The following DBN1 variants were observed in gnomAD, a reference collection of about 807,000 sequenced individuals.
DBN1 encodes drebrin.
DBN1 carries 21 observed loss-of-function variants against 83.5 expected under a neutral mutation model. That is an observed-to-expected ratio of 0.25 (90% CI 0.18 to 0.36). The LOEUF (loss-of-function observed/expected upper bound fraction) is 0.36. DBN1 is among the 10% of genes least tolerant of loss of function. The pLI is 1.00. For synonymous variants in DBN1, 381 were observed against 384.9 expected, an observed-to-expected ratio of 0.99 and a Z score of 0.12; for missense variants, 874 against 935.7, an observed-to-expected ratio of 0.93 and a Z score of 0.86.
chr5:177,472,248 C>T, intron 1 of DBN1: 1 of 1,612,372 alleles, frequency 6.2e-7, no homozygotes, highest in Non-Finnish European at 8.5e-7. Context: ...GTCAGAGTCC[C>T]CACCTGGCTG....
chr5:177,458,595 C>T lies in DBN1; in HGVS notation c.1377G>A (p.Gly459=), dbSNP rs1756750259. Residue 459 remains glycine, a synonymous_variant, in exon 13 of 15, where the codon GGG becomes GGA. Transcript: ENST00000393565. Reference sequence around the variant, plus strand: ...TCAAGTCCTCTGCAGGGCTGCCTGGCCCCCGGGGAGGCGCCTGTGCCTGAG... The same window carrying T: ...TCAAGTCCTCTGCAGGGCTGCCTGGTCCCCGGGGAGGCGCCTGTGCCTGAG... ...EPPQAQAPPR[G]PGSPAEDLMF... 6.2e-7 allele frequency: 1 copy of T among 1,612,894 alleles called. No homozygotes were observed. Among genetic ancestry groups the T allele is most frequent in the Non-Finnish European group, 8.5e-7 (1 of 1,179,306 alleles).
At chr5:177,461,454 C>T (rs1268938390) in intron 8 of DBN1, among the ~76,000 whole-genome samples, 5 of 152,146 alleles carry the variant, frequency 3.3e-5, no homozygotes, top group African/African-American at 7.2e-5. Context: ...GGAAGGGTTT[C>T]AGAGGTGGTA....
intron 2 of DBN1, 132 bp from the exon 3 acceptor site, chr5:177,468,352 T>C: frequency 1.4e-6 from 1 of 720,360 alleles, no homozygotes; most frequent in Non-Finnish European, 2.4e-6. Flanking sequence ...CTGGGGTCTG[T>C]GGGTCCCAGT....
At chr5:177,468,446 A>G (rs1300051264) in intron 2 of DBN1, 2 of 581,666 alleles carry the variant, frequency 3.4e-6, no homozygotes, top group Admixed American at 3.0e-5. Context: ...TGGGGGTAGG[A>G]CTGAGGAAGT....
intron 10 of DBN1, among the ~76,000 whole-genome samples, chr5:177,460,184 C>T (rs1756912118): frequency 6.6e-6 from 1 of 152,244 alleles, no homozygotes; most frequent in African/African-American, 2.4e-5. Flanking sequence ...TGTGCCTCAG[C>T]CCATGCCAGA....
Position 177,458,336 on chromosome 5 carries a change from A to T in DBN1, c.1636T>A (p.Ser546Thr). The T allele has an allele frequency of 6.2e-7, 1 of 1,613,174 alleles. No homozygotes were observed. The highest frequency in any genetic ancestry group is 8.5e-7 in the Non-Finnish European group (1 of 1,179,360). ...TCTGCCAGGGTGACCTCAGTACCCG[A>T]GGGTGGCGTGGGGGCCCTGGGCTCA... is the stretch of plus-strand genomic sequence containing the variant. ...QGEPRAPTPP[S>T]GTEVTLAEVP... Residue 546 changes from serine to threonine, a missense_variant, in exon 13 of 15, where the codon TCG becomes ACG. Physicochemically the swap from Ser to Thr is moderately conservative, Grantham distance 58. Around this residue, in one of 4 missense-constraint regions of DBN1, gnomAD observed 725 missense variants for 719.7 expected, o/e 1.01. Transcript: ENST00000393565.
chr5:177,468,475 G>A, intron 2 of DBN1: 1 of 554,022 alleles, frequency 1.8e-6, no homozygotes, highest in Non-Finnish European at 3.2e-6. Context: ...TTCACACTCA[G>A]GTCTCATTCT....
chr5:177,463,941 CCT>C (rs1220419312), intron 8 of DBN1, among the ~76,000 whole-genome samples: 3 of 151,656 alleles, frequency 2.0e-5, no homozygotes, highest in East Asian at 1.9e-4. Context: ...ATGGTGAAAC[CCT>C]GTCTCTACTA....
In DBN1 at chr5:177,467,840, G is replaced by C. The variant is rs1757561432; in HGVS notation, c.256-23C>G. 6.3e-7 allele frequency: 1 copy of C among 1,575,300 alleles called. No individual in the cohort carries two copies. The highest frequency in any genetic ancestry group is 1.1e-5 in the South Asian group (1 of 87,368). ...CACCTGCAAAGTACCCAGCAAAGAGGGGGTCAGGAAAGGACAAGGGGGGCC... is the reference window on the plus strand; with the variant it reads ...CACCTGCAAAGTACCCAGCAAAGAGCGGGTCAGGAAAGGACAAGGGGGGCC... On this transcript the variant is annotated intron_variant, in intron 3 of 14. Transcript: ENST00000393565. The surrounding 1 kb of genome is among the most constrained non-coding windows in gnomAD (Gnocchi z 9.1).
Position 177,469,329 on chromosome 5 carries a change from G to C in DBN1, c.87-430C>G, listed in dbSNP as rs551292076. Among the ~76,000 whole-genome samples the C allele has an allele frequency of 3.9e-5, 6 of 152,172 alleles. No individual in the cohort carries two copies. The South Asian group carries it at 1.2e-3, about 32-fold the overall frequency. On this transcript the variant is annotated intron_variant, in intron 1 of 14. Transcript: ENST00000393565. ...TCCCCGCTGCCCCTCCCCCGGGGAGGGAGGAGGAGAAGAGAGAACCTGGTG... is the reference window on the plus strand; with the variant it reads ...TCCCCGCTGCCCCTCCCCCGGGGAGCGAGGAGGAGAAGAGAGAACCTGGTG...
Position 177,466,764 on chromosome 5 carries a change from G to T in DBN1, c.771+8C>A. 3 of 1,614,076 alleles carry T rather than the reference G, an allele frequency of 1.9e-6. No homozygotes were observed. The highest frequency in any genetic ancestry group is 1.7e-5 in the Admixed American group (1 of 60,026). ...CCCAGAGACCGGGAGCCTTGGCAAA[G>T]AACTTACAAAGATAGACTGCTCCTT... On this transcript the variant is annotated splice_region_variant and intron_variant, in intron 8 of 14. Transcript: ENST00000393565. The surrounding 1 kb of genome is among the most constrained non-coding windows in gnomAD (Gnocchi z 4.8).
rs776359291 is a variant in DBN1 at position 177,458,599 on chromosome 5, C to T, written c.1373G>A (p.Arg458Gln). The T allele has an allele frequency of 2.4e-5, 39 of 1,612,532 alleles. No individual in the cohort carries two copies. In the African/African-American group the frequency reaches 3.5e-4, roughly 14 times the overall value. Residue 458 changes from arginine (R) to glutamine (Q), a missense_variant, in exon 13 of 15, where the codon CGG becomes CAG. Arg to Gln is a conservative substitution (Grantham distance 43). This residue lies in a region of DBN1 where 725 missense variants were observed against 719.7 expected (regional missense o/e 1.01). Coordinates refer to ENST00000393565, the MANE Select transcript of DBN1 (RefSeq NM_001363541.2). ...GTCCTCTGCAGGGCTGCCTGGCCCC[C>T]GGGGAGGCGCCTGTGCCTGAGGGGG... The part of the protein sequence containing the change: ...EEPPQAQAPP[R>Q]GPGSPAEDLM...
At chr5:177,462,595 G>A (rs1304415576) in intron 8 of DBN1, among the ~76,000 whole-genome samples, 4 of 152,236 alleles carry the variant, frequency 2.6e-5, no homozygotes, top group Non-Finnish European at 5.9e-5. Flanking sequence ...CAAGGCGGGC[G>A]CATGTTTGCT....
chr5:177,468,348 T>C, intron 2 of DBN1, 128 bp from the exon 3 acceptor site: 1 of 741,522 alleles, frequency 1.3e-6, no homozygotes, highest in South Asian at 1.6e-5. Flanking sequence ...GCCTCTGGGG[T>C]CTGTGGGTCC....
intron 2 of DBN1, 69 bp from the exon 3 acceptor site, chr5:177,468,289 AAAGC>A: frequency 7.0e-7 from 1 of 1,431,872 alleles, no homozygotes; most frequent in Non-Finnish European, 9.8e-7. Context: ...CCTGGAACTC[AAAGC>A]AAAGACTCCT....
chr5:177,460,904 C>T (rs965293516), intron 8 of DBN1, among the ~76,000 whole-genome samples: 2 of 152,114 alleles, frequency 1.3e-5, no homozygotes, highest in African/African-American at 2.4e-5. Context: ...CTCAGCCTCC[C>T]GAGTAGCTGG....
intron 1 of DBN1, among the ~76,000 whole-genome samples, chr5:177,469,815 G>A (rs1757717999): frequency 6.6e-6 from 1 of 152,228 alleles, no homozygotes; most frequent in South Asian, 2.1e-4. Flanking sequence ...GGAGGGAGGA[G>A]AGCCGGGGCC....
At chr5:177,465,038 C>T (rs1757344814) in intron 8 of DBN1, among the ~76,000 whole-genome samples, 2 of 152,064 alleles carry the variant, frequency 1.3e-5, no homozygotes, top group African/African-American at 4.8e-5. Context: ...CCTGTAGTCC[C>T]AGCTACTTGG....
intron 1 of DBN1, among the ~76,000 whole-genome samples, chr5:177,471,257 C>T (rs1757822214): frequency 6.6e-6 from 1 of 152,080 alleles, no homozygotes; most frequent in Non-Finnish European, 1.5e-5. Flanking sequence ...CCTTCAGTAT[C>T]CGAGGTAGTG....
Sources: gnomAD v4.1 joint callset for allele counts (sites outside exome capture counted in the v4.1 genomes callset) on GRCh38, gnomAD v4.1.1 for gene constraint, gnomAD v4.1.1 regional missense constraint, Gnocchi (gnomAD v3.1) non-coding constraint, MANE v1.5 for transcripts, NCBI Gene and HGNC (gene_info 2026-07-23, HGNC 2026-07-21) for gene names.